ELF1: variants seen among roughly 807,000 people sequenced by gnomAD.
ELF1 encodes E74 like ETS transcription factor 1, also known as ETS-related transcription factor Elf-1.
A neutral mutation model predicts 59.9 loss-of-function variants in ELF1; 24 were observed. The ratio of observed to expected loss-of-function variants is 0.40; its 90% CI spans 0.29 to 0.56. The LOEUF (loss-of-function observed/expected upper bound fraction) is 0.56, where lower values mean the gene tolerates loss of function less well. Among genes scored for constraint, ELF1 ranks in the 20% least tolerant of loss-of-function variants. The pLI is 0.44. For synonymous variants in ELF1, 248 were observed against 266.2 expected (o/e 0.93, Z 0.67); for missense variants, 627 against 742.2 (o/e 0.84, Z 1.80).
intron 2 of ELF1, among the ~76,000 whole-genome samples, chr13:40,960,269 G>GT (rs1193981245): frequency 4.6e-5 from 7 of 151,838 alleles, no homozygotes; most frequent in African/African-American, 1.7e-4. Flanking sequence ...CTTTTAAAAA[G>GT]TTAAAAAAAA....
chr13:41,012,312 C>CAAAAA (rs56791748), intron 1 of ELF1, among the ~76,000 whole-genome samples: 3 of 65,038 alleles, frequency 4.6e-5, no homozygotes, highest in African/African-American at 5.9e-5. Context: ...GACTCTGTCT[C>CAAAAA]AAAAAAAAAA....
chr13:41,018,812 C>T (rs1875566208), intron 1 of ELF1, among the ~76,000 whole-genome samples: 1 of 152,126 alleles, frequency 6.6e-6, no homozygotes, highest in African/African-American at 2.4e-5. Context: ...AAAGCCACTG[C>T]CCCTGGATAT....
intron 1 of ELF1, among the ~76,000 whole-genome samples, chr13:41,009,487 C>T (rs1874929393): frequency 6.6e-6 from 1 of 152,080 alleles, no homozygotes; most frequent in South Asian, 2.1e-4. Flanking sequence ...ATACTGTTAG[C>T]AACAGAATAC....
chr13:40,990,672 T>C (rs761153139), intron 1 of ELF1, among the ~76,000 whole-genome samples: 2 of 151,748 alleles, frequency 1.3e-5, no homozygotes, highest in African/African-American at 2.4e-5. Context: ...CTGGGCAACA[T>C]AGTGAAATCC....
upstream of ELF1, among the ~76,000 whole-genome samples, chr13:41,019,756 C>T (rs1218903820): frequency 6.6e-6 from 1 of 152,110 alleles, no homozygotes; most frequent in Admixed American, 6.6e-5. Flanking sequence ...CATTAACCCT[C>T]ATATGAAAGA....
intron 1 of ELF1, among the ~76,000 whole-genome samples, chr13:40,991,518 T>C (rs1200802928): frequency 1.3e-5 from 2 of 152,190 alleles, no homozygotes; most frequent in Non-Finnish European, 2.9e-5. Flanking sequence ...CTCAAGTGAT[T>C]CTCTCGCCTT....
chr13:40,935,833 C>A (rs1011367606), intron 8 of ELF1, among the ~76,000 whole-genome samples: 5 of 152,082 alleles, frequency 3.3e-5, no homozygotes, highest in Admixed American at 2.6e-4. Context: ...CCACCATGCC[C>A]AGCTAATTTT....
exon 1 of ELF1, chr13:41,061,058 G>T: frequency 5.2e-6 from 1 of 193,656 alleles, no homozygotes; most frequent in African/African-American, 2.3e-5. Flanking sequence ...AGTTTGAGGC[G>T]AAGCCTAGCG....
At position 41,016,977 on chromosome 13, in the gene ELF1, T is replaced by TATAC. The variant is rs1875443453; in HGVS notation, c.-229+2250_-229+2251insGTAT. Among the ~76,000 whole-genome samples the TATAC allele has an allele frequency of 3.7e-5, 4 of 107,436 alleles. No individual in the cohort carries two copies. In the East Asian group the frequency reaches 1.1e-3, roughly 29 times the overall value. The allele number at this position is 107,436 out of a possible 152,430, so 70.5% of individuals were successfully genotyped here. A position where few individuals can be genotyped will look rare whatever the true frequency, so the allele number is the denominator to read the frequency against. On this transcript the variant is annotated intron_variant, in intron 1 of 8. Coordinates refer to ENST00000239882, the MANE Select transcript of ELF1 (RefSeq NM_172373.4). Reference sequence around the variant, plus strand: ...ATATATATATATATATATATATATATATATGAGCTAAAACTAAAGCAGAAA... The same window carrying TATAC: ...ATATATATATATATATATATATATATATACATATGAGCTAAAACTAAAGCAGAAA...
rs760193183 is a variant in ELF1, at chr13:40,940,905, A to G, written c.1256+16T>C. ...ACATATTGAAGTGATAAGCATCAGT[A>G]GTTTGGTTTTCTCACCTAATACTCT... is the stretch of plus-strand genomic sequence containing the variant. On this transcript the variant is annotated intron_variant, in intron 8 of 8. Coordinates refer to ENST00000239882, the MANE Select transcript of ELF1 (RefSeq NM_172373.4). The G allele has an allele frequency of 4.4e-6, 7 of 1,596,128 alleles. No individual in the cohort carries two copies. Among genetic ancestry groups the G allele is most frequent in the Non-Finnish European group, 5.1e-6 (6 of 1,169,384 alleles).
Position 41,027,430 on chromosome 13 carries a change from G to T in ELF1, c.-229+33408C>A, listed in dbSNP as rs117842750. Among the ~76,000 whole-genome samples, 741 of 152,304 alleles carry T rather than the reference G, an allele frequency of 4.9e-3. 3 individuals are homozygous for T. Among genetic ancestry groups the T allele is most frequent in the Middle Eastern group, 0.01 (3 of 294 alleles). ...CCTGGACATGGTGGCAGGGATGGAGGTTATTCACGGGCTTAGCAACATGGA... is the reference window on the plus strand; with the variant it reads ...CCTGGACATGGTGGCAGGGATGGAGTTTATTCACGGGCTTAGCAACATGGA... On this transcript the variant is annotated intron_variant, in intron 1 of 1. Coordinates refer to the ELF1 transcript ENST00000405737.
intron 1 of ELF1, among the ~76,000 whole-genome samples, chr13:41,025,458 C>A (rs1468100455): frequency 6.6e-6 from 1 of 152,186 alleles, no homozygotes; most frequent in East Asian, 1.9e-4. Context: ...TTTACTTAAG[C>A]AGCTGAATTT....
At chr13:41,018,346 T>C (rs1875542114) in intron 1 of ELF1, among the ~76,000 whole-genome samples, 1 of 152,302 alleles carries the variant, frequency 6.6e-6, no homozygotes, top group Admixed American at 6.5e-5. Flanking sequence ...AATCTTTTCA[T>C]TTACAGAAGG....
intron 3 of ELF1, among the ~76,000 whole-genome samples, chr13:40,952,786 A>G (rs1870937787): frequency 6.6e-6 from 1 of 152,128 alleles, no homozygotes; most frequent in African/African-American, 2.4e-5. Flanking sequence ...CCTAGCTTCA[A>G]CTATTATCAC....
intron 1 of ELF1, among the ~76,000 whole-genome samples, chr13:40,986,721 T>A: frequency 6.6e-6 from 1 of 152,064 alleles, no homozygotes; most frequent in African/African-American, 2.4e-5. Context: ...TCACTGATGG[T>A]AAACACAAAA....
chr13:41,048,016 C>T (rs910776914), intron 1 of ELF1, among the ~76,000 whole-genome samples: 14 of 152,188 alleles, frequency 9.2e-5, no homozygotes, highest in African/African-American at 1.2e-4. Flanking sequence ...CCTTGCAGTT[C>T]GATCTCAGAC....
intron 1 of ELF1, among the ~76,000 whole-genome samples, chr13:41,057,417 G>A (rs941999256): frequency 6.6e-6 from 1 of 151,478 alleles, no homozygotes; most frequent in Admixed American, 6.6e-5. Flanking sequence ...ACCCCGAGAT[G>A]GAGTCTCTCT....
At chr13:40,959,404 G>A (rs551406671) in intron 2 of ELF1, among the ~76,000 whole-genome samples, 2 of 152,214 alleles carry the variant, frequency 1.3e-5, no homozygotes, top group South Asian at 2.1e-4. Flanking sequence ...GCTGAGGCAG[G>A]AGAATCACTT....
chr13:40,956,573 A>T (rs1319350458), intron 3 of ELF1, among the ~76,000 whole-genome samples: 1 of 51,862 alleles, frequency 1.9e-5, no homozygotes, highest in African/African-American at 2.6e-4. Flanking sequence ...AGAATGATCA[A>T]AAAAAAAAAA....
Sources: gnomAD v4.1 joint callset for allele counts (sites outside exome capture counted in the v4.1 genomes callset) on GRCh38, gnomAD v4.1.1 for gene constraint, MANE v1.5 for transcripts, NCBI Gene and HGNC (gene_info 2026-07-23, HGNC 2026-07-21) for gene names.